The following CDIP1 variants were observed in gnomAD, a reference collection of about 807,000 sequenced individuals.
CDIP1 encodes the protein cell death inducing p53 target 1.
A neutral mutation model predicts 17.7 loss-of-function variants in CDIP1; 9 were observed. The observed-to-expected ratio is 0.51, with a 90% CI of 0.31 to 0.89. CDIP1 has a LOEUF of 0.89. CDIP1 is among the 40% of genes least tolerant of loss of function. The pLI, the probability that CDIP1 is intolerant of heterozygous loss-of-function variation, is 0.05. For missense variants in CDIP1, 263 were observed against 277.9 expected, an observed-to-expected ratio of 0.95 and a Z score of 0.38; for synonymous variants, 117 against 109.5, an observed-to-expected ratio of 1.07 and a Z score of -0.43.
rs376393586 is a variant in CDIP1, at chr16:4,514,167, G to A, written c.-14-23C>T. On this transcript the variant is annotated intron_variant, in intron 2 of 5. Transcript: ENST00000567695. The surrounding 1 kb of genome is among the most constrained non-coding windows in gnomAD (Gnocchi z 5.2). ...CTCCTGGACATGGAGGGAAAACCCA[G>A]ACATGAACTAAGCTCCCAGCCAGGT... 3,930 of 1,349,278 alleles carry A rather than the reference G, an allele frequency of 2.9e-3. 17 individuals carry two copies. The highest frequency in any genetic ancestry group is 3.5e-3 in the Non-Finnish European group (3,455 of 990,420). 83.6% of individuals were successfully genotyped at this position (1,349,278 alleles called of 1,614,324 possible).
chr16:4,520,229 A>G (rs1036863781), intron 1 of CDIP1, among the ~76,000 whole-genome samples: 2 of 151,904 alleles, frequency 1.3e-5, no homozygotes, highest in Non-Finnish European at 2.9e-5. Context: ...CTCCTGCCTC[A>G]GCCTCCTGAG....
intron 1 of CDIP1, chr16:4,522,343 C>G (rs1430108504): frequency 6.6e-6 from 1 of 152,300 alleles, no homozygotes; most frequent in Non-Finnish European, 1.5e-5. Context: ...GGCAGGGGCT[C>G]TGCAGCAGCT....
At chr16:4,516,357 C>G (rs1437700986) in intron 1 of CDIP1, among the ~76,000 whole-genome samples, 1 of 152,158 alleles carries the variant, frequency 6.6e-6, no homozygotes, top group African/African-American at 2.4e-5. Flanking sequence ...CTGTGAATAA[C>G]TAAAAACCAC....
At chr16:4,520,856 C>T (rs2058938837) in intron 1 of CDIP1, among the ~76,000 whole-genome samples, 1 of 152,104 alleles carries the variant, frequency 6.6e-6, no homozygotes, top group Non-Finnish European at 1.5e-5. Context: ...TCTGAATAAC[C>T]ACGGTGTGTG....
rs527438991 is a variant in CDIP1 at position 4,514,352 on chromosome 16, C to T, written c.-14-208G>A. On this transcript the variant is annotated intron_variant, in intron 2 of 5. Coordinates refer to ENST00000567695, the MANE Select transcript of CDIP1 (RefSeq NM_013399.3). The surrounding 1 kb of genome is among the most constrained non-coding windows in gnomAD (Gnocchi z 5.2). ...CCTCTCAGTAGTCACCTGCTCTTCC[C>T]TGTTTGGAAGCTGAAGGGCAAGGAC... Among the ~76,000 whole-genome samples the T allele has an allele frequency of 1.8e-4, 28 of 152,322 alleles. No homozygotes were observed. The highest frequency in any genetic ancestry group is 6.5e-4 in the African/African-American group (27 of 41,560).
At chr16:4,527,315 ATGATCTCG>A (rs992119709) in intron 1 of CDIP1, among the ~76,000 whole-genome samples, 3 of 151,106 alleles carry the variant, frequency 2.0e-5, no homozygotes, top group Non-Finnish European at 4.4e-5. Flanking sequence ...TCTTGATCTC[ATGATCTCG>A]TGATCCACCT....
intron 1 of CDIP1, among the ~76,000 whole-genome samples, chr16:4,520,393 G>A (rs912691300): frequency 7.2e-5 from 11 of 152,072 alleles, no homozygotes; most frequent in Non-Finnish European, 5.9e-5. Flanking sequence ...GTGAGCCACC[G>A]CACTTGACCG....
At chr16:4,525,191 T>C (rs1460435792) in intron 1 of CDIP1, among the ~76,000 whole-genome samples, 2 of 152,118 alleles carry the variant, frequency 1.3e-5, no homozygotes, top group Non-Finnish European at 1.5e-5. Context: ...GGATCATGGC[T>C]TTCTTTAGGT....
chr16:4,526,642 G>A (rs1434595866), intron 1 of CDIP1, among the ~76,000 whole-genome samples: 2 of 151,648 alleles, frequency 1.3e-5, no homozygotes, highest in Admixed American at 6.6e-5. Context: ...GGAGCTTGCA[G>A]TGAGCTGAGA....
intron 1 of CDIP1, among the ~76,000 whole-genome samples, chr16:4,521,790 T>TGAGC (rs1448263758): frequency 6.6e-6 from 1 of 150,972 alleles, no homozygotes; most frequent in African/African-American, 2.4e-5. Flanking sequence ...ACTTTCCAGC[T>TGAGC]GAGCGAGCTG....
At position 4,514,500 on chromosome 16, in the gene CDIP1, G is replaced by A; in HGVS notation, c.-15+75C>T. ...TCCCCAAACGTTTAGCGGGCACTAA[G>A]GCAGTCGGAGGAGACACTGGACCGA... On this transcript the variant is annotated intron_variant, in intron 2 of 5. Transcript: ENST00000567695. The surrounding 1 kb of genome is among the most constrained non-coding windows in gnomAD (Gnocchi z 5.2). 1 of 233,452 alleles carries A rather than the reference G, an allele frequency of 4.3e-6. No homozygotes were observed. Among genetic ancestry groups the A allele is most frequent in the Middle Eastern group, 1.4e-3 (1 of 714 alleles). 14.5% of individuals were successfully genotyped at this position (233,452 alleles called of 1,614,324 possible). A position where few individuals can be genotyped will look rare whatever the true frequency, so the allele number is the denominator to read the frequency against.
Position 4,514,090 on chromosome 16 carries a change from G to T in CDIP1, c.41C>A (p.Thr14Lys). The change falls in exon 3 of 6, where the codon ACA becomes AAA. Residue 14 changes from threonine (T) to lysine (K), a missense_variant. Transcript: ENST00000567695. The surrounding 1 kb of genome is among the most constrained non-coding windows in gnomAD (Gnocchi z 5.2). ...EPPPPYPGGP[T>K]APLLEEKSGA... ...ACTTTTCTCTTCCAGAAGTGGGGCT[G>T]TGGGGCCCCCAGGATAAGGAGGGGG... 6.5e-7 allele frequency: 1 copy of T among 1,541,938 alleles called. No individual in the cohort carries two copies. The highest frequency in any genetic ancestry group is 1.3e-5 in the South Asian group (1 of 79,842).
intron 1 of CDIP1, among the ~76,000 whole-genome samples, chr16:4,537,261 T>C (rs2059117406): frequency 6.6e-6 from 1 of 152,244 alleles, no homozygotes; most frequent in African/African-American, 2.4e-5. Flanking sequence ...CTCTACATTC[T>C]AGGTGGTGGT....
rs2058833599 is a variant in CDIP1 at position 4,511,839 on chromosome 16, AG to A, written c.*732del. On this transcript the variant is annotated 3_prime_UTR_variant, in exon 6 of 6. Transcript: ENST00000567695. ...AGGGTTCACAGAGGCATGGCCTGAAAGGGGGTCTGCACACTGACTCAAAGGG... is the reference window on the plus strand; with the variant it reads ...AGGGTTCACAGAGGCATGGCCTGAAAGGGGTCTGCACACTGACTCAAAGGG... 1 of 152,742 alleles carries A rather than the reference AG, an allele frequency of 6.5e-6. No individual in the cohort carries two copies. Among genetic ancestry groups the A allele is most frequent in the Non-Finnish European group, 1.5e-5 (1 of 68,530 alleles). The allele number at this position is 152,742 out of a possible 1,614,324, so 9.5% of individuals were successfully genotyped here.
chr16:4,532,069 G>A (rs2059062004), intron 1 of CDIP1: 1 of 152,246 alleles, frequency 6.6e-6, no homozygotes, highest in Admixed American at 6.5e-5. Context: ...TGCTCTGCTA[G>A]TTGACTTTAG....
intron 1 of CDIP1, among the ~76,000 whole-genome samples, chr16:4,535,696 A>G (rs2059099593): frequency 6.6e-6 from 1 of 152,238 alleles, no homozygotes. Flanking sequence ...TGACTCACAG[A>G]GTAGGAGAAG....
intron 1 of CDIP1, among the ~76,000 whole-genome samples, chr16:4,515,860 A>G (rs1321555397): frequency 6.6e-6 from 1 of 152,184 alleles, no homozygotes; most frequent in African/African-American, 2.4e-5. Flanking sequence ...CTTTTGAGGA[A>G]CAGTCTGGCA....
At position 4,512,379 on chromosome 16, in the gene CDIP1, C is replaced by G. The variant is rs2058839797; in HGVS notation, c.*193G>C. ...CCCCCTGCCACCCACTGACCCTTGG[C>G]CTTAAATCCCAACAGAATTTTTGCC... On this transcript the variant is annotated 3_prime_UTR_variant, in exon 6 of 6. Coordinates refer to ENST00000567695, the MANE Select transcript of CDIP1 (RefSeq NM_013399.3). The surrounding 1 kb of genome is among the most constrained non-coding windows in gnomAD (Gnocchi z 4.6). 1 of 609,376 alleles carries G rather than the reference C, an allele frequency of 1.6e-6. No individual in the cohort carries two copies. Among genetic ancestry groups the G allele is most frequent in the African/African-American group, 1.8e-5 (1 of 54,338 alleles). The allele number at this position is 609,376 out of a possible 1,614,324, so 37.7% of individuals were successfully genotyped here. A position where few individuals can be genotyped will look rare whatever the true frequency, so the allele number is the denominator to read the frequency against.
At chr16:4,530,034 TACACA>T (rs2059039379) in intron 1 of CDIP1, among the ~76,000 whole-genome samples, 1 of 152,204 alleles carries the variant, frequency 6.6e-6, no homozygotes. Context: ...TACATACCTG[TACACA>T]GAAGCTCCCC....
Sources: allele counts gnomAD v4.1 joint callset (sites outside exome capture counted in the v4.1 genomes callset), GRCh38; gene constraint gnomAD v4.1.1; non-coding constraint Gnocchi (gnomAD v3.1); transcripts MANE v1.5; gene names NCBI Gene and HGNC (gene_info 2026-07-23, HGNC 2026-07-21).